CSMD2: variants seen among roughly 807,000 people sequenced by gnomAD.
CSMD2 encodes the protein CUB and sushi domain-containing protein 2.
Under a neutral mutation model 398.5 loss-of-function variants are expected in CSMD2, and 130 were observed. The observed-to-expected ratio is 0.33, with a 90% confidence interval of 0.28 to 0.38. CSMD2 has a LOEUF of 0.38. Among genes scored for constraint, CSMD2 ranks in the 10% least tolerant of loss-of-function variants. The probability of loss-of-function intolerance (pLI) is 1.00; values close to 1 mark genes in which losing one functional copy is unlikely to be tolerated. For missense variants in CSMD2, 3,829 were observed against 4,764.9 expected, an observed-to-expected ratio of 0.80 and a Z score of 5.78; for synonymous variants, 1,828 against 1,908.5, an observed-to-expected ratio of 0.96 and a Z score of 1.10.
At chr1:33,717,476 C>G (rs1474341291) in intron 19 of CSMD2, among the ~76,000 whole-genome samples, 1 of 151,836 alleles carries the variant, frequency 6.6e-6, no homozygotes, top group African/African-American at 2.4e-5. Flanking sequence ...ACATGACATC[C>G]AGTGGCACGT....
At chr1:33,698,656 G>A in intron 24 of CSMD2, 97 bp downstream of exon 24, 2 of 1,155,860 alleles carry the variant, frequency 1.7e-6, no homozygotes, top group Non-Finnish European at 2.4e-6. Flanking sequence ...ATGGCCCCCA[G>A]GCCCTGGAGC....
rs1208099973 is a variant in CSMD2 at position 33,994,907 on chromosome 1, T to C, written c.517+37687A>G. On this transcript the variant is annotated intron_variant, in intron 3 of 70. Transcript: ENST00000373381. ...AGTGAAACCCCATCTCTACTAAAAATACAAAAATTAGCTGGGTGTGGTGGT... is the reference window on the plus strand; with the variant it reads ...AGTGAAACCCCATCTCTACTAAAAACACAAAAATTAGCTGGGTGTGGTGGT... Among the ~76,000 whole-genome samples, 4 of 151,756 alleles carry C rather than the reference T, an allele frequency of 2.6e-5. No individual in the cohort carries two copies. The East Asian group carries it at 7.8e-4, about 30-fold the overall frequency.
chr1:33,953,136 T>C (rs1419862527), intron 3 of CSMD2, among the ~76,000 whole-genome samples: 1 of 152,192 alleles, frequency 6.6e-6, no homozygotes, highest in Non-Finnish European at 1.5e-5. Context: ...TGGCCAGGCT[T>C]AGCCCATAAA....
intron 14 of CSMD2, among the ~76,000 whole-genome samples, chr1:33,742,593 C>A (rs1027370628): frequency 2.8e-5 from 4 of 140,758 alleles, no homozygotes; most frequent in South Asian, 2.4e-4. Flanking sequence ...CCCCCCCCAA[C>A]CCCCTCTGTA....
intron 53 of CSMD2, among the ~76,000 whole-genome samples, chr1:33,562,700 A>G (rs887287838): frequency 3.9e-5 from 6 of 152,196 alleles, no homozygotes; most frequent in African/African-American, 1.2e-4. Context: ...TAGATGAGAT[A>G]ACATTTCAAT....
chr1:33,566,409 A>G (rs1226636597), intron 53 of CSMD2, among the ~76,000 whole-genome samples: 1 of 152,138 alleles, frequency 6.6e-6, no homozygotes, highest in Non-Finnish European at 1.5e-5. Context: ...AATGGTGGTT[A>G]CCATGGGTGG....
At chr1:33,934,132 T>C (rs944046703) in intron 4 of CSMD2, among the ~76,000 whole-genome samples, 2 of 152,278 alleles carry the variant, frequency 1.3e-5, no homozygotes. Flanking sequence ...GAGCTAGTCT[T>C]TTACAGTAAT....
At position 33,688,685 on chromosome 1, in the gene CSMD2, G is replaced by T. The variant is rs188087515; in HGVS notation, c.4052+4245C>A. Among the ~76,000 whole-genome samples, 483 of 151,934 alleles carry T rather than the reference G, an allele frequency of 3.2e-3. 3 individuals carry two copies. The highest frequency in any genetic ancestry group is 0.011 in the African/African-American group (460 of 41,428). ...ACAAAAATTAGCCAGGCGTGATGGCGCTTGCCTGTAATCCCAGCTACTTGG... is the reference window on the plus strand; with the variant it reads ...ACAAAAATTAGCCAGGCGTGATGGCTCTTGCCTGTAATCCCAGCTACTTGG... On this transcript the variant is annotated intron_variant, in intron 25 of 70. Coordinates refer to ENST00000373381, the MANE Select transcript of CSMD2 (RefSeq NM_001281956.2).
chr1:34,040,486 G>T (rs1311473747), intron 2 of CSMD2, among the ~76,000 whole-genome samples: 1 of 152,160 alleles, frequency 6.6e-6, no homozygotes, highest in African/African-American at 2.4e-5. Flanking sequence ...TTTTCATTAA[G>T]GTCTCCCTGA....
At chr1:33,891,528 A>G (rs1457128741) in intron 5 of CSMD2, among the ~76,000 whole-genome samples, 3 of 151,708 alleles carry the variant, frequency 2.0e-5, no homozygotes, top group Non-Finnish European at 4.4e-5. Context: ...ATACCATTTG[A>G]CCCAGCCATC....
intron 3 of CSMD2, among the ~76,000 whole-genome samples, chr1:34,017,252 C>T (rs1347381666): frequency 6.6e-6 from 1 of 152,178 alleles, no homozygotes; most frequent in Non-Finnish European, 1.5e-5. Flanking sequence ...TGAAATTCAC[C>T]TACTTTTAAC....
chr1:33,772,530 A>G, intron 13 of CSMD2, 39 bp downstream of exon 13: 2 of 1,580,476 alleles, frequency 1.3e-6, no homozygotes, highest in Middle Eastern at 2.1e-4. Context: ...CCTGCCTCTC[A>G]GTGAAGACCC....
intron 1 of CSMD2, among the ~76,000 whole-genome samples, chr1:34,093,780 G>A (rs961376323): frequency 7.9e-5 from 12 of 152,040 alleles, no homozygotes; most frequent in Non-Finnish European, 1.3e-4. Context: ...ATCTACGTCC[G>A]ATTGGTGTAT....
chr1:33,922,567 A>T (rs1643981315), intron 4 of CSMD2, among the ~76,000 whole-genome samples: 1 of 152,142 alleles, frequency 6.6e-6, no homozygotes, highest in Admixed American at 6.5e-5. Context: ...ACCCAACTAG[A>T]TATTCCACAT....
chr1:33,559,488 G>A lies in CSMD2; in HGVS notation c.8381-15C>T, dbSNP rs1402875800. ...ACAGGTAATTGCTGTAACCAAAACA[G>A]AAGATAGGTAAGCCCTCCTACTATT... On this transcript the variant is annotated splice_polypyrimidine_tract_variant and intron_variant, in intron 53 of 70. Transcript: ENST00000373381. The surrounding 1 kb of genome is among the most constrained non-coding windows in gnomAD (Gnocchi z 4.0). 6.5e-7 allele frequency: 1 copy of A among 1,535,758 alleles called. No homozygotes were observed. Among genetic ancestry groups the A allele is most frequent in the South Asian group, 1.2e-5 (1 of 84,022 alleles).
intron 25 of CSMD2, among the ~76,000 whole-genome samples, chr1:33,664,589 C>T (rs917259902): frequency 6.6e-6 from 1 of 152,050 alleles, no homozygotes; most frequent in Non-Finnish European, 1.5e-5. Context: ...GTCAGGATCA[C>T]GAGGTCAGGA....
intron 15 of CSMD2, among the ~76,000 whole-genome samples, chr1:33,731,457 T>C (rs508796): frequency 0.39 from 59,486 of 151,700 alleles, 14,251 homozygotes; most frequent in African/African-American, 0.69. Flanking sequence ...AAAATGGAAG[T>C]TCAATCTGAT....
At chr1:33,948,189 A>G (rs562449704) in intron 3 of CSMD2, among the ~76,000 whole-genome samples, 2 of 152,136 alleles carry the variant, frequency 1.3e-5, no homozygotes, top group East Asian at 3.9e-4. Flanking sequence ...ATTAATTTTC[A>G]CTCATCTCTG....
At chr1:33,711,611 T>C (rs1393989726) in intron 21 of CSMD2, among the ~76,000 whole-genome samples, 3 of 152,192 alleles carry the variant, frequency 2.0e-5, no homozygotes, top group African/African-American at 7.2e-5. Context: ...GAGAAGCATA[T>C]GGGAAGCGTG....
Sources: gnomAD v4.1 joint callset for allele counts (sites outside exome capture counted in the v4.1 genomes callset) on GRCh38, gnomAD v4.1.1 for gene constraint, Gnocchi (gnomAD v3.1) non-coding constraint, MANE v1.5 for transcripts, NCBI Gene and HGNC (gene_info 2026-07-23, HGNC 2026-07-21) for gene names.